The following FSTL5 variants were observed in gnomAD, a reference collection of about 807,000 sequenced individuals.
The protein encoded by FSTL5 is follistatin-related protein 5.
Under a neutral mutation model 89.1 loss-of-function variants are expected in FSTL5, and 62 were observed. That is an observed-to-expected ratio of 0.70 (90% CI 0.57 to 0.86). The LOEUF (loss-of-function observed/expected upper bound fraction) is 0.86. FSTL5 is among the 40% of genes least tolerant of loss of function. The pLI, the probability that FSTL5 is intolerant of heterozygous loss-of-function variation, is 0.00. For synonymous variants in FSTL5, 383 were observed against 346.2 expected (o/e 1.11, Z -1.18); for missense variants, 1,057 against 1,001.6 (o/e 1.06, Z -0.75).
At chr4:161,906,596 T>C (rs1733536105) in intron 4 of FSTL5, among the ~76,000 whole-genome samples, 1 of 152,104 alleles carries the variant, frequency 6.6e-6, no homozygotes, top group African/African-American at 2.4e-5. Context: ...CAAAGACGGA[T>C]GAAATGGTTC....
chr4:161,922,333 G>C (rs1265599334), intron 3 of FSTL5, among the ~76,000 whole-genome samples: 1 of 152,036 alleles, frequency 6.6e-6, no homozygotes, highest in African/African-American at 2.4e-5. Context: ...TTTAATACCT[G>C]AGTGATGAAA....
intron 3 of FSTL5, among the ~76,000 whole-genome samples, chr4:161,999,993 C>G (rs1215734893): frequency 1.3e-5 from 2 of 152,118 alleles, no homozygotes; most frequent in Non-Finnish European, 2.9e-5. Context: ...TCAGCCTGTA[C>G]TAAATGACTG....
intron 12 of FSTL5, among the ~76,000 whole-genome samples, chr4:161,489,349 G>T (rs1427818194): frequency 6.6e-6 from 1 of 151,932 alleles, no homozygotes; most frequent in African/African-American, 2.4e-5. Flanking sequence ...AGTAGGGAAA[G>T]CAAATTAAAT....
chr4:161,995,217 G>T (rs546832541), intron 3 of FSTL5, among the ~76,000 whole-genome samples: 25 of 152,180 alleles, frequency 1.6e-4, no homozygotes, highest in African/African-American at 5.8e-4. Flanking sequence ...TATAATAATG[G>T]TGTTTTTATG....
intron 2 of FSTL5, among the ~76,000 whole-genome samples, chr4:162,076,650 CA>C (rs1293630052): frequency 6.6e-6 from 1 of 151,574 alleles, no homozygotes; most frequent in Non-Finnish European, 1.5e-5. Flanking sequence ...TGCTGGGATC[CA>C]ACATTGTGAT....
At chr4:161,781,338 A>T (rs1297550955) in intron 4 of FSTL5, among the ~76,000 whole-genome samples, 1 of 152,116 alleles carries the variant, frequency 6.6e-6, no homozygotes, top group East Asian at 1.9e-4. Flanking sequence ...ATTAAAAAAA[A>T]AAATTTAAAT....
chr4:161,925,643 G>T (rs147129100), intron 3 of FSTL5, among the ~76,000 whole-genome samples: 1 of 151,726 alleles, frequency 6.6e-6, no homozygotes, highest in Non-Finnish European at 1.5e-5. Context: ...GTAGAATAAT[G>T]CACTGAAAAT....
intron 15 of FSTL5, among the ~76,000 whole-genome samples, chr4:161,442,735 G>C (rs1036104136): frequency 6.6e-6 from 1 of 152,040 alleles, no homozygotes; most frequent in Non-Finnish European, 1.5e-5. Context: ...GGAAAATAGC[G>C]TTTGTTAATC....
intron 11 of FSTL5, among the ~76,000 whole-genome samples, chr4:161,502,402 C>A (rs1012767170): frequency 8.6e-5 from 13 of 151,892 alleles, no homozygotes; most frequent in Admixed American, 2.6e-4. Flanking sequence ...GCATAAACTA[C>A]TTTTCAGGTT....
chr4:162,112,775 T>TCACA (rs71598742), intron 1 of FSTL5, among the ~76,000 whole-genome samples: 3,097 of 139,374 alleles, frequency 0.022, 44 homozygotes, highest in African/African-American at 0.037. Context: ...ACCGACACAA[T>TCACA]CACACACACA....
intron 3 of FSTL5, among the ~76,000 whole-genome samples, chr4:161,962,137 A>G (rs1216622626): frequency 6.6e-6 from 1 of 151,998 alleles, no homozygotes. Flanking sequence ...GTACAATCTA[A>G]TAAAGTATTA....
At chr4:161,794,150 T>C (rs543660398) in intron 4 of FSTL5, among the ~76,000 whole-genome samples, 1 of 152,222 alleles carries the variant, frequency 6.6e-6, no homozygotes, top group African/African-American at 2.4e-5. Flanking sequence ...CTGAGGAGCT[T>C]TGAAACAAGT....
At chr4:162,062,781 A>G (rs1344009077) in intron 2 of FSTL5, among the ~76,000 whole-genome samples, 1 of 151,444 alleles carries the variant, frequency 6.6e-6, no homozygotes. Flanking sequence ...CAATACTTTC[A>G]AATTTTTTCA....
intron 7 of FSTL5, among the ~76,000 whole-genome samples, chr4:161,626,695 C>CATCT (rs1365405504): frequency 2.0e-5 from 3 of 152,108 alleles, no homozygotes; most frequent in African/African-American, 4.8e-5. Context: ...GCCACAGGAA[C>CATCT]ATCTGGGCAT....
chr4:161,512,857 A>G (rs1730692078), intron 10 of FSTL5, among the ~76,000 whole-genome samples: 1 of 152,124 alleles, frequency 6.6e-6, no homozygotes, highest in Admixed American at 6.6e-5. Flanking sequence ...TATTTGAAAA[A>G]TGAAGAAAAA....
At chr4:161,655,530 T>C (rs1425296516) in intron 7 of FSTL5, among the ~76,000 whole-genome samples, 1 of 152,142 alleles carries the variant, frequency 6.6e-6, no homozygotes, top group Non-Finnish European at 1.5e-5. Context: ...TATTAGAACA[T>C]TATTGGTAAG....
intron 6 of FSTL5, among the ~76,000 whole-genome samples, chr4:161,702,454 A>G (rs1360381912): frequency 1.3e-5 from 2 of 152,104 alleles, no homozygotes; most frequent in East Asian, 3.9e-4. Flanking sequence ...ATGGCCATTT[A>G]TCTATTAGCA....
At chr4:161,407,899 C>T (rs1220601309) in intron 15 of FSTL5, among the ~76,000 whole-genome samples, 1 of 152,174 alleles carries the variant, frequency 6.6e-6, no homozygotes, top group Non-Finnish European at 1.5e-5. Context: ...ACAGAAAGAA[C>T]CCAGTCCCGA....
chr4:162,163,505 A>G (rs1733775701), intron 1 of FSTL5, 110 bp downstream of exon 1: 1 of 149,360 alleles, frequency 6.7e-6, no homozygotes, highest in African/African-American at 2.4e-5. Context: ...CATTGCCAAA[A>G]GTCCAGTTTC....
Sources: gnomAD v4.1 joint callset for allele counts (sites outside exome capture counted in the v4.1 genomes callset) on GRCh38, gnomAD v4.1.1 for gene constraint, MANE v1.5 for transcripts, NCBI Gene and HGNC (gene_info 2026-07-23, HGNC 2026-07-21) for gene names.